Variants in CSMD1 observed in about 807,000 individuals in gnomAD.
The protein encoded by CSMD1 is CUB and sushi domain-containing protein 1.
A neutral mutation model predicts 417.5 loss-of-function variants in CSMD1; 213 were observed. That is an observed-to-expected ratio of 0.51 (90% CI 0.46 to 0.57). The LOEUF (loss-of-function observed/expected upper bound fraction) is 0.57. Ranked by LOEUF, CSMD1 falls within the 20% of genes least tolerant of loss-of-function variation. CSMD1 has a pLI of 0.00. For missense variants in CSMD1, 6,923 were observed against 4,529.7 expected, an observed-to-expected ratio of 1.53 and a Z score of -15.17; for synonymous variants, 2,862 against 1,736.8, an observed-to-expected ratio of 1.65 and a Z score of -16.11.
intron 3 of CSMD1, among the ~76,000 whole-genome samples, chr8:4,378,087 G>C (rs190355511): frequency 6.6e-6 from 1 of 152,220 alleles, no homozygotes; most frequent in Non-Finnish European, 1.5e-5. Flanking sequence ...CGAAGGTGAA[G>C]TAGATGCAAA....
At chr8:4,376,248 C>T (rs1427528739) in intron 3 of CSMD1, among the ~76,000 whole-genome samples, 1 of 152,130 alleles carries the variant, frequency 6.6e-6, no homozygotes, top group Non-Finnish European at 1.5e-5. Flanking sequence ...TTTGACAATA[C>T]TGATAGCATT....
chr8:4,022,182 G>GTATATATATATTAATACATA (rs766026029), intron 4 of CSMD1, among the ~76,000 whole-genome samples: 15 of 57,776 alleles, frequency 2.6e-4, no homozygotes, highest in African/African-American at 7.8e-4. Context: ...GTATATTTAT[G>GTATATATATATTAATACATA]TGTATATATA....
intron 26 of CSMD1, among the ~76,000 whole-genome samples, chr8:3,264,862 G>C (rs112311140): frequency 7.5e-6 from 1 of 133,398 alleles, no homozygotes; most frequent in Non-Finnish European, 1.6e-5. Flanking sequence ...GGCTGTGTGT[G>C]GGTGTGTGTG....
intron 5 of CSMD1, among the ~76,000 whole-genome samples, chr8:3,793,574 C>T (rs960988232): frequency 2.0e-5 from 3 of 151,970 alleles, no homozygotes; most frequent in African/African-American, 7.3e-5. Flanking sequence ...GCCTGCCACC[C>T]TGTACCCTAA....
At chr8:4,407,717 G>C (rs988987271) in intron 3 of CSMD1, among the ~76,000 whole-genome samples, 1 of 152,152 alleles carries the variant, frequency 6.6e-6, no homozygotes, top group Admixed American at 6.6e-5. Context: ...AATAGCTGTA[G>C]TTTTTCCATG....
chr8:3,293,061 T>G (rs559748326), intron 25 of CSMD1, among the ~76,000 whole-genome samples: 12 of 152,104 alleles, frequency 7.9e-5, no homozygotes, highest in Non-Finnish European at 1.5e-4. Flanking sequence ...GTGTGTAAAG[T>G]ATTTTATTTC....
intron 10 of CSMD1, among the ~76,000 whole-genome samples, chr8:3,511,832 A>G (rs115251914): frequency 2.5e-4 from 38 of 150,278 alleles, no homozygotes; most frequent in Non-Finnish European, 4.4e-4. Context: ...CAATAAATAA[A>G]ATAAAATAAA....
chr8:3,295,819 C>G (rs17079792), intron 25 of CSMD1, among the ~76,000 whole-genome samples: 5,914 of 152,228 alleles, frequency 0.039, 400 homozygotes, highest in African/African-American at 0.13. Flanking sequence ...TCCCTGATCA[C>G]TCATAAAGTT....
At chr8:3,907,922 T>C (rs374853518) in intron 5 of CSMD1, among the ~76,000 whole-genome samples, 1 of 152,264 alleles carries the variant, frequency 6.6e-6, no homozygotes, top group African/African-American at 2.4e-5. Flanking sequence ...GGAAACAACA[T>C]GCATTCACTG....
intron 3 of CSMD1, among the ~76,000 whole-genome samples, chr8:4,357,783 G>T (rs929989222): frequency 6.6e-6 from 1 of 152,036 alleles, no homozygotes; most frequent in African/African-American, 2.4e-5. Flanking sequence ...GAATAAGGAG[G>T]ATGGGGAGAC....
At chr8:4,423,866 C>G (rs188049304) in intron 2 of CSMD1, among the ~76,000 whole-genome samples, 1 of 152,128 alleles carries the variant, frequency 6.6e-6, no homozygotes, top group East Asian at 1.9e-4. Flanking sequence ...TTGGCAAAGA[C>G]ATAAACCCGT....
chr8:3,409,367 C>A, intron 13 of CSMD1, 56 bp downstream of exon 13: 2 of 1,429,236 alleles, frequency 1.4e-6, no homozygotes, highest in Non-Finnish European at 9.4e-7. Context: ...TCCTTTTCTC[C>A]CCTTGCAAGA....
At chr8:3,407,384 G>A (rs1027585104) in intron 14 of CSMD1, among the ~76,000 whole-genome samples, 2 of 151,434 alleles carry the variant, frequency 1.3e-5, no homozygotes, top group African/African-American at 2.4e-5. Flanking sequence ...TGGATTGATG[G>A]AACGATGGAT....
chr8:3,230,077 G>C lies in CSMD1; in HGVS notation c.4308C>G (p.Asn1436Lys). The change falls in exon 27 of 70, where the codon AAC becomes AAG. Residue 1436 changes from asparagine (N) to lysine (K), a missense_variant. Transcript: ENST00000635120. ...QAKITCVQLN[N>K]RFFWQPDPPT... ...GAGGGTCTGGTTGCCAAAAGAACCG[G>C]TTATTCAGCTGCACACAGGTGATTT... 1 of 1,611,388 alleles carries C rather than the reference G, an allele frequency of 6.2e-7. No homozygotes were observed. The highest frequency in any genetic ancestry group is 1.1e-5 in the South Asian group (1 of 90,772).
intron 40 of CSMD1, among the ~76,000 whole-genome samples, chr8:3,147,606 C>T (rs1219574991): frequency 6.6e-6 from 1 of 152,172 alleles, no homozygotes; most frequent in Non-Finnish European, 1.5e-5. Flanking sequence ...GCTTCCTGCA[C>T]ACAGTAAAAT....
At chr8:4,680,305 G>C (rs1805957019) in intron 1 of CSMD1, among the ~76,000 whole-genome samples, 1 of 152,142 alleles carries the variant, frequency 6.6e-6, no homozygotes, top group South Asian at 2.1e-4. Context: ...GACCGAAAAA[G>C]TAATATGAAT....
At chr8:3,955,783 C>T (rs1216772516) in intron 5 of CSMD1, among the ~76,000 whole-genome samples, 1 of 152,162 alleles carries the variant, frequency 6.6e-6, no homozygotes, top group African/African-American at 2.4e-5. Context: ...AATTAATATC[C>T]CTTAGAAATC....
At chr8:3,662,476 T>C (rs1258999308) in intron 7 of CSMD1, among the ~76,000 whole-genome samples, 3 of 152,222 alleles carry the variant, frequency 2.0e-5, no homozygotes, top group Non-Finnish European at 4.4e-5. Context: ...TCTTGGTTAT[T>C]GTAAATAGTG....
intron 2 of CSMD1, among the ~76,000 whole-genome samples, chr8:4,499,775 G>T (rs893733903): frequency 6.6e-6 from 1 of 152,220 alleles, no homozygotes; most frequent in Non-Finnish European, 1.5e-5. Context: ...AAGGTGAAGA[G>T]AGGGAAGGAA....
Sources: allele counts gnomAD v4.1 joint callset (sites outside exome capture counted in the v4.1 genomes callset), GRCh38; gene constraint gnomAD v4.1.1; transcripts MANE v1.5; gene names NCBI Gene and HGNC (gene_info 2026-07-23, HGNC 2026-07-21).